The following CACNA2D2 variants were observed in gnomAD, a reference collection of about 807,000 sequenced individuals.
The protein encoded by CACNA2D2 is calcium voltage-gated channel auxiliary subunit alpha2delta 2.
CACNA2D2 carries 48 observed loss-of-function variants against 166.4 expected under a neutral mutation model. The observed-to-expected ratio is 0.29, with a 90% CI of 0.23 to 0.37. The LOEUF (loss-of-function observed/expected upper bound fraction) is 0.37. Ranked by LOEUF, CACNA2D2 falls within the 10% of genes least tolerant of loss-of-function variation. The pLI, the probability that CACNA2D2 is intolerant of heterozygous loss-of-function variation, is 1.00. For missense variants in CACNA2D2, 1,122 were observed against 1,433.0 expected (o/e 0.78, Z 3.50); for synonymous variants, 561 against 573.7 (o/e 0.98, Z 0.32).
intron 3 of CACNA2D2, among the ~76,000 whole-genome samples, chr3:50,430,276 G>C (rs565523903): frequency 9.8e-5 from 15 of 152,346 alleles, no homozygotes; most frequent in African/African-American, 3.1e-4. Flanking sequence ...TCTGAGAGGA[G>C]GCTGGAATCT....
intron 3 of CACNA2D2, chr3:50,416,052 A>G: frequency 6.6e-6 from 1 of 152,366 alleles, no homozygotes; most frequent in Non-Finnish European, 1.5e-5. Context: ...ACAGTGGTGC[A>G]GGCATCAGCT....
intron 3 of CACNA2D2, among the ~76,000 whole-genome samples, chr3:50,399,704 G>C (rs1288524000): frequency 6.6e-6 from 1 of 152,166 alleles, no homozygotes; most frequent in African/African-American, 2.4e-5. Context: ...AGACCCCTAG[G>C]TAGGAAGAGG....
intron 2 of CACNA2D2, among the ~76,000 whole-genome samples, chr3:50,452,398 TC>T (rs1365642469): frequency 6.6e-6 from 1 of 152,144 alleles, no homozygotes; most frequent in Non-Finnish European, 1.5e-5. Context: ...CCAGAAGTGG[TC>T]CCAGAAGGCC....
chr3:50,499,775 C>T (rs1006989601), intron 1 of CACNA2D2, among the ~76,000 whole-genome samples: 5 of 152,230 alleles, frequency 3.3e-5, no homozygotes, highest in Non-Finnish European at 5.9e-5. Flanking sequence ...CTGCAGACTA[C>T]GAGGGGACTC....
In CACNA2D2 at chr3:50,366,480, AC is replaced by A; in HGVS notation, c.2637+97del. 6.7e-7 allele frequency: 1 copy of A among 1,488,088 alleles called. No individual in the cohort carries two copies. Among genetic ancestry groups the A allele is most frequent in the Non-Finnish European group, 9.4e-7 (1 of 1,065,842 alleles). 92.2% of individuals were successfully genotyped at this position (1,488,088 alleles called of 1,614,324 possible). Reference sequence around the variant, plus strand: ...GTGAAGTCAGGGTGGGGATGTTGAGACCCACAGGCCAAGGGATGTGCTGGGA... The same window carrying A: ...GTGAAGTCAGGGTGGGGATGTTGAGACCACAGGCCAAGGGATGTGCTGGGA... On this transcript the variant is annotated intron_variant, in intron 30 of 37. Transcript: ENST00000424201. The surrounding 1 kb of genome is among the most constrained non-coding windows in gnomAD (Gnocchi z 5.9).
At position 50,365,078 on chromosome 3, in the gene CACNA2D2, G is replaced by A. The variant is rs779004608; in HGVS notation, c.3205C>T (p.His1069Tyr). The change falls in exon 36 of 38, where the codon CAC becomes TAC. Residue 1069 changes from histidine (H) to tyrosine (Y), a missense_variant. Physicochemically the swap from His to Tyr is moderately conservative, Grantham distance 83. Coordinates refer to ENST00000424201, the MANE Select transcript of CACNA2D2 (RefSeq NM_006030.4). This position sits in a 1 kb window ranked among gnomAD's most constrained non-coding sequence, Gnocchi z 4.5. The part of the protein sequence containing the change: ...EAGRLLQKET[H>Y]SDGPEQCELV... ...GGGGAGGGCGGGGGCAGGATACAGTGCGTCTCCTTCTGCAGCAGCCGGCCA... is the reference window on the plus strand; with the variant it reads ...GGGGAGGGCGGGGGCAGGATACAGTACGTCTCCTTCTGCAGCAGCCGGCCA... 45 of 1,610,372 alleles carry A rather than the reference G, an allele frequency of 2.8e-5. No individual in the cohort carries two copies. The highest frequency in any genetic ancestry group is 3.6e-5 in the Non-Finnish European group (42 of 1,178,918).
intron 3 of CACNA2D2, among the ~76,000 whole-genome samples, chr3:50,422,598 C>T (rs1053238717): frequency 2.6e-5 from 4 of 152,350 alleles, no homozygotes; most frequent in African/African-American, 7.2e-5. Context: ...GATAGCCACA[C>T]GGCACAGGCG....
chr3:50,482,597 G>A (rs1362932717), intron 1 of CACNA2D2, among the ~76,000 whole-genome samples: 1 of 152,200 alleles, frequency 6.6e-6, no homozygotes, highest in Non-Finnish European at 1.5e-5. Flanking sequence ...TGGCACACAG[G>A]TCCATCCAGA....
At chr3:50,449,423 G>T (rs1451291487) in intron 2 of CACNA2D2, among the ~76,000 whole-genome samples, 1 of 152,196 alleles carries the variant, frequency 6.6e-6, no homozygotes, top group African/African-American at 2.4e-5. Flanking sequence ...AGAGCTGGGG[G>T]ATGGGCCACC....
chr3:50,501,633 G>C (rs1313029199), intron 1 of CACNA2D2, among the ~76,000 whole-genome samples: 1 of 152,224 alleles, frequency 6.6e-6, no homozygotes, highest in African/African-American at 2.4e-5. Context: ...GGGAAAGGGA[G>C]TGAGGTCGGG....
At chr3:50,489,569 G>A (rs557435018) in intron 1 of CACNA2D2, among the ~76,000 whole-genome samples, 521 of 151,904 alleles carry the variant, frequency 3.4e-3, no homozygotes, top group Admixed American at 5.4e-3. Context: ...CAGCAGCCCC[G>A]GAAGCGCATC....
chr3:50,491,721 G>C (rs143561875), intron 1 of CACNA2D2, among the ~76,000 whole-genome samples: 2 of 152,204 alleles, frequency 1.3e-5, no homozygotes, highest in Non-Finnish European at 2.9e-5. Context: ...ACTATCAGTC[G>C]GGGGACTCAC....
Position 50,466,324 on chromosome 3 carries a change from G to A in CACNA2D2, c.288+9794C>T, listed in dbSNP as rs566571090. On this transcript the variant is annotated intron_variant, in intron 2 of 37. Transcript: ENST00000424201. Reference sequence around the variant, plus strand: ...CCTCACCCACAATTGAGATTTCTCAGCTTTGCTAATTAATCAGCTAAGTAG... The same window carrying A: ...CCTCACCCACAATTGAGATTTCTCAACTTTGCTAATTAATCAGCTAAGTAG... Among the ~76,000 whole-genome samples, 10 of 152,120 alleles carry A rather than the reference G, an allele frequency of 6.6e-5. No homozygotes were observed. The South Asian group carries it at 2.1e-3, about 32-fold the overall frequency.
In CACNA2D2 at chr3:50,375,843, T is replaced by C. The variant is rs767025665; in HGVS notation, c.1811A>G (p.Lys604Arg). Reference sequence around the variant, plus strand: ...GGACTTGACCAACGTTCTGATCTGCTTGTGGCCCTTGTTGCCATCAATCAT... The same window carrying C: ...GGACTTGACCAACGTTCTGATCTGCCTGTGGCCCTTGTTGCCATCAATCAT... ...RSMIDGNKGH[K>R]QIRTLVKSLD... The change falls in exon 20 of 38, where the codon AAG (lysine) becomes AGG (arginine). Residue 604 changes from lysine to arginine, a missense_variant. Transcript: ENST00000424201. This position sits in a 1 kb window ranked among gnomAD's most constrained non-coding sequence, Gnocchi z 4.0. 8.7e-6 allele frequency: 14 copies of C among 1,612,952 alleles called. No homozygotes were observed. Among genetic ancestry groups the C allele is most frequent in the South Asian group, 6.6e-5 (6 of 91,094 alleles).
intron 1 of CACNA2D2, among the ~76,000 whole-genome samples, chr3:50,488,690 TG>T (rs1488112211): frequency 6.8e-6 from 1 of 147,420 alleles, no homozygotes; most frequent in African/African-American, 2.5e-5. Flanking sequence ...ATTTTCCTGG[TG>T]TTTTTTTTTT....
chr3:50,430,726 G>A (rs1296368022), intron 3 of CACNA2D2, among the ~76,000 whole-genome samples: 1 of 152,104 alleles, frequency 6.6e-6, no homozygotes, highest in Non-Finnish European at 1.5e-5. Context: ...TCCTGATTTG[G>A]GTCCAAGTCT....
At chr3:50,454,637 T>C (rs1474294772) in intron 2 of CACNA2D2, among the ~76,000 whole-genome samples, 2 of 152,214 alleles carry the variant, frequency 1.3e-5, no homozygotes, top group African/African-American at 4.8e-5. Context: ...GTTTAGAGAC[T>C]GGAAAAAATA....
Position 50,467,683 on chromosome 3 carries a change from G to T in CACNA2D2, c.288+8435C>A, listed in dbSNP as rs144410516. ...GGTCACTTGGTTCCCTGCTTTAGGA[G>T]AACCCAAAGATAGACAAGGAGGGGG... On this transcript the variant is annotated intron_variant, in intron 2 of 37. Coordinates refer to ENST00000424201, the MANE Select transcript of CACNA2D2 (RefSeq NM_006030.4). Among the ~76,000 whole-genome samples the T allele has an allele frequency of 1.8e-4, 28 of 152,286 alleles. No homozygotes were observed. In the East Asian group the frequency reaches 2.9e-3, roughly 16 times the overall value.
chr3:50,373,773 T>G (rs1704792155), intron 22 of CACNA2D2, among the ~76,000 whole-genome samples: 2 of 108,434 alleles, frequency 1.8e-5, no homozygotes, highest in Admixed American at 9.9e-5. Context: ...GGAGGGAGGT[T>G]GGATGCAGAG....
Sources: allele counts gnomAD v4.1 joint callset (sites outside exome capture counted in the v4.1 genomes callset), GRCh38; gene constraint gnomAD v4.1.1; non-coding constraint Gnocchi (gnomAD v3.1); transcripts MANE v1.5; gene names NCBI Gene and HGNC (gene_info 2026-07-23, HGNC 2026-07-21).